DNAH7: variants seen among roughly 807,000 people sequenced by gnomAD.
DNAH7 encodes axonemal beta dynein heavy chain 7.
In DNAH7, 397 loss-of-function variants were observed where a neutral mutation model predicts 444.6. The observed-to-expected ratio is 0.89, with a 90% confidence interval of 0.82 to 0.97. The LOEUF (loss-of-function observed/expected upper bound fraction) is 0.97. Ranked by LOEUF, DNAH7 falls within the 50% of genes least tolerant of loss-of-function variation. The pLI is 0.00. For missense variants in DNAH7, 4,902 were observed against 4,800.8 expected, an observed-to-expected ratio of 1.02 and a Z score of -0.62; for synonymous variants, 1,636 against 1,624.4, an observed-to-expected ratio of 1.01 and a Z score of -0.17.
At chr2:195,994,448 G>T in intron 12 of DNAH7, 1 of 576,222 alleles carries the variant, frequency 1.7e-6, no homozygotes, top group South Asian at 1.6e-5. Context: ...GGGAGGCCAA[G>T]GGAGAAAGGT....
intron 19 of DNAH7, among the ~76,000 whole-genome samples, chr2:195,943,039 A>T (rs140843639): frequency 1.7e-3 from 257 of 152,146 alleles, no homozygotes; most frequent in Admixed American, 3.7e-3. Context: ...GTCTCATGAG[A>T]TCTGATGGTT....
At chr2:195,994,497 G>A (rs1559314512) in intron 12 of DNAH7, 1 of 492,178 alleles carries the variant, frequency 2.0e-6, no homozygotes, top group South Asian at 1.8e-5. Flanking sequence ...TCCTGTGTTG[G>A]TTGAATCCAA....
intron 57 of DNAH7, among the ~76,000 whole-genome samples, chr2:195,792,166 CAAAAAA>C (rs34983984): frequency 5.5e-5 from 3 of 54,474 alleles, no homozygotes; most frequent in Non-Finnish European, 9.1e-5. Context: ...GACCCTGTCT[CAAAAAA>C]AAAAAAAAAA....
chr2:196,042,266 T>C (rs760873942), intron 5 of DNAH7, among the ~76,000 whole-genome samples: 8 of 151,872 alleles, frequency 5.3e-5, no homozygotes, highest in Non-Finnish European at 1.0e-4. Context: ...ATAAAGAAAA[T>C]AAGTATATCA....
chr2:195,757,493 A>G (rs894558837), intron 61 of DNAH7, among the ~76,000 whole-genome samples: 2 of 152,220 alleles, frequency 1.3e-5, no homozygotes, highest in Non-Finnish European at 2.9e-5. Context: ...TATTATTCCA[A>G]CTAACATAGG....
chr2:195,876,910 C>T (rs112787316), intron 36 of DNAH7, among the ~76,000 whole-genome samples: 1 of 152,172 alleles, frequency 6.6e-6, no homozygotes, highest in Non-Finnish European at 1.5e-5. Context: ...CTGGTTTTCA[C>T]AGCTACTGGG....
intron 61 of DNAH7, among the ~76,000 whole-genome samples, chr2:195,759,812 G>A (rs559500828): frequency 1.3e-5 from 2 of 152,024 alleles, no homozygotes; most frequent in Non-Finnish European, 2.9e-5. Flanking sequence ...AGATTGTGCC[G>A]CTGCACTCCA....
rs371774617 is a variant in DNAH7 at position 195,897,707 on chromosome 2, T to C, written c.4607A>G (p.Asn1536Ser). 1.5e-5 allele frequency: 24 copies of C among 1,605,502 alleles called. No homozygotes were observed. The highest frequency in any genetic ancestry group is 2.0e-5 in the Non-Finnish European group (24 of 1,175,698). The change falls in exon 29 of 65, where the codon AAT becomes AGT. Residue 1536 changes from asparagine to serine, a missense_variant. Transcript: ENST00000312428. ...ATCATGGGATAAAAATTTTGGCAGA[T>C]TTACATCAATGATAGATCTAAGCAG... ...ILLLRSIIDV[N>S]LPKFLSHDLP...
intron 46 of DNAH7, among the ~76,000 whole-genome samples, chr2:195,847,090 T>C (rs1699043440): frequency 1.4e-5 from 2 of 147,838 alleles, no homozygotes; most frequent in South Asian, 2.1e-4. Flanking sequence ...GATATATATA[T>C]ATCTGATTCT....
chr2:195,945,640 G>A (rs1464723562), intron 19 of DNAH7, among the ~76,000 whole-genome samples: 1 of 152,144 alleles, frequency 6.6e-6, no homozygotes, highest in Admixed American at 6.5e-5. Flanking sequence ...TCACTAGATA[G>A]AGGTGAAATG....
intron 61 of DNAH7, among the ~76,000 whole-genome samples, chr2:195,762,895 A>C (rs867984069): frequency 8.5e-5 from 13 of 152,164 alleles, no homozygotes; most frequent in African/African-American, 3.1e-4. Context: ...AGATACTTAC[A>C]GAACGTCTCA....
At chr2:195,817,250 T>C (rs1020566208) in intron 50 of DNAH7, among the ~76,000 whole-genome samples, 3 of 152,156 alleles carry the variant, frequency 2.0e-5, no homozygotes, top group African/African-American at 7.2e-5. Flanking sequence ...TCAGAGTGAA[T>C]AGAAAGTAGC....
chr2:196,037,634 A>AT (rs1335344641), intron 5 of DNAH7, among the ~76,000 whole-genome samples: 1 of 152,190 alleles, frequency 6.6e-6, no homozygotes, highest in Non-Finnish European at 1.5e-5. Context: ...AATGGACTAG[A>AT]TAAAGTAGAA....
intron 61 of DNAH7, among the ~76,000 whole-genome samples, chr2:195,760,056 C>T (rs186361256): frequency 0.01 from 1,537 of 152,232 alleles, 24 homozygotes; most frequent in Non-Finnish European, 0.01. Flanking sequence ...CTAACTTTGG[C>T]AACATTCACC....
At chr2:195,938,008 GTAT>G in intron 19 of DNAH7, among the ~76,000 whole-genome samples, 2 of 151,918 alleles carry the variant, frequency 1.3e-5, no homozygotes, top group Non-Finnish European at 2.9e-5. Flanking sequence ...GATATTTTTG[GTAT>G]TTAGCCATGA....
intron 57 of DNAH7, among the ~76,000 whole-genome samples, chr2:195,793,798 G>A (rs890878076): frequency 6.6e-6 from 1 of 152,066 alleles, no homozygotes; most frequent in South Asian, 2.1e-4. Context: ...ATGGCAAAAC[G>A]CTGTGAAACA....
Position 196,005,192 on chromosome 2 carries a change from T to C in DNAH7, c.990-3334A>G, listed in dbSNP as rs903225250. 4.6e-5 allele frequency among the ~76,000 whole-genome samples: 7 copies of C among 151,784 alleles called. 1 individual carries two copies. The highest frequency in any genetic ancestry group is 2.1e-4 in the South Asian group (1 of 4,818). ...AGGAGGCTGAGGTGGGAAAATGGCA[T>C]GAACCCGGGAGGCAGAGCTTGCGGT... is the stretch of plus-strand genomic sequence containing the variant. On this transcript the variant is annotated intron_variant, in intron 10 of 64. Coordinates refer to ENST00000312428, the MANE Select transcript of DNAH7 (RefSeq NM_018897.3).
At chr2:195,767,381 AAAG>A (rs1694637185) in intron 61 of DNAH7, among the ~76,000 whole-genome samples, 1 of 152,026 alleles carries the variant, frequency 6.6e-6, no homozygotes, top group Non-Finnish European at 1.5e-5. Flanking sequence ...GTTAATTTGA[AAAG>A]AAAAGTATAT....
chr2:195,935,418 A>T (rs1309892550), intron 20 of DNAH7, among the ~76,000 whole-genome samples: 1 of 152,164 alleles, frequency 6.6e-6, no homozygotes, highest in Non-Finnish European at 1.5e-5. Context: ...GCCTAAATTT[A>T]CCTTTTGTTT....
Sources: allele counts gnomAD v4.1 joint callset (sites outside exome capture counted in the v4.1 genomes callset), GRCh38; gene constraint gnomAD v4.1.1; transcripts MANE v1.5; gene names NCBI Gene and HGNC (gene_info 2026-07-23, HGNC 2026-07-21).